ASTN2: variants seen among roughly 807,000 people sequenced by gnomAD.
ASTN2 encodes astrotactin-2.
In ASTN2, 54 loss-of-function variants were observed where a neutral mutation model predicts 139.8. That is an observed-to-expected ratio of 0.39 (90% confidence interval 0.31 to 0.48). ASTN2 has a LOEUF of 0.48. ASTN2 is among the 20% of genes least tolerant of loss of function. The pLI is 0.95. For missense variants in ASTN2, 1,565 were observed against 1,725.1 expected (o/e 0.91, Z 1.64); for synonymous variants, 756 against 719.5 (o/e 1.05, Z -0.81).
intron 1 of ASTN2, among the ~76,000 whole-genome samples, chr9:117,317,386 G>C (rs186204272): frequency 6.6e-6 from 1 of 152,256 alleles, no homozygotes; most frequent in East Asian, 1.9e-4. Context: ...GCCCTATCTA[G>C]ATATTATTCT....
chr9:116,699,700 C>A lies in ASTN2; in HGVS notation c.2806+26071G>T. ...TACCATCTGAGAAGATATTCCACCC[C>A]ATAGGGGATGAGAAATTATCAGTTT... On this transcript the variant is annotated intron_variant, in intron 16 of 22. Coordinates refer to ENST00000313400, the MANE Select transcript of ASTN2 (RefSeq NM_001365068.1). The surrounding 1 kb of genome is among the most constrained non-coding windows in gnomAD (Gnocchi z 4.2). The A allele has an allele frequency of 6.2e-7, 1 of 1,614,216 alleles. No individual in the cohort carries two copies. Among genetic ancestry groups the A allele is most frequent in the Non-Finnish European group, 8.5e-7 (1 of 1,180,042 alleles).
intron 14 of ASTN2, 73 bp downstream of exon 14, chr9:116,733,326 C>CT: frequency 1.3e-6 from 2 of 1,575,602 alleles, no homozygotes; most frequent in Non-Finnish European, 1.7e-6. Flanking sequence ...CTGCTGAAGA[C>CT]TGATATGCAC....
At chr9:116,555,291 C>A (rs1852552805) in intron 19 of ASTN2, among the ~76,000 whole-genome samples, 2 of 152,178 alleles carry the variant, frequency 1.3e-5, no homozygotes, top group East Asian at 1.9e-4. Flanking sequence ...CCTCTCTGCT[C>A]CCTGGCCAAG....
chr9:116,818,327 A>T (rs867599088), intron 12 of ASTN2, among the ~76,000 whole-genome samples: 11 of 152,190 alleles, frequency 7.2e-5, no homozygotes, highest in African/African-American at 1.7e-4. Flanking sequence ...TGCTTAATTC[A>T]ATAGCATCCC....
At position 116,698,918 on chromosome 9, in the gene ASTN2, C is replaced by G. The variant is rs1229699953; in HGVS notation, c.2806+26853G>C. On this transcript the variant is annotated intron_variant, in intron 16 of 22. Coordinates refer to ENST00000313400, the MANE Select transcript of ASTN2 (RefSeq NM_001365068.1). The surrounding 1 kb of genome is among the most constrained non-coding windows in gnomAD (Gnocchi z 4.4). ...AAGTACTAGTCGCTGACCGTGGTAA[C>G]TATCGTATACAAGTCTTTACCCGCA... 6.2e-7 allele frequency: 1 copy of G among 1,614,112 alleles called. No individual in the cohort carries two copies. Among genetic ancestry groups the G allele is most frequent in the Non-Finnish European group, 8.5e-7 (1 of 1,180,050 alleles).
chr9:116,610,869 AC>A, intron 19 of ASTN2: 1 of 150,010 alleles, frequency 6.7e-6, no homozygotes, highest in Non-Finnish European at 1.5e-5. Context: ...AGGTTTTAAT[AC>A]CCCTCTCTCA....
intron 1 of ASTN2, 39 bp from the exon 2 acceptor site, chr9:117,291,552 C>A: frequency 9.1e-6 from 14 of 1,540,476 alleles, no homozygotes; most frequent in Non-Finnish European, 1.2e-5. Context: ...GAGCCGTACG[C>A]CTGGCCTTGG....
intron 16 of ASTN2, among the ~76,000 whole-genome samples, chr9:116,722,918 C>A (rs1828512501): frequency 6.6e-6 from 1 of 152,166 alleles, no homozygotes; most frequent in Non-Finnish European, 1.5e-5. Context: ...GTAATCTCAG[C>A]ACTTTGGGAG....
At chr9:117,365,103 C>G (rs1424971523) in intron 1 of ASTN2, among the ~76,000 whole-genome samples, 1 of 151,356 alleles carries the variant, frequency 6.6e-6, no homozygotes, top group Non-Finnish European at 1.5e-5. Flanking sequence ...AAGCCAACAT[C>G]ACTTCACTGC....
chr9:116,844,953 C>G (rs2132311909), intron 11 of ASTN2, among the ~76,000 whole-genome samples: 1 of 152,302 alleles, frequency 6.6e-6, no homozygotes, highest in East Asian at 1.9e-4. Context: ...AAGGCCCACA[C>G]TTCTATGAGA....
intron 2 of ASTN2, among the ~76,000 whole-genome samples, chr9:117,246,861 G>A (rs538790583): frequency 2.0e-5 from 3 of 152,214 alleles, no homozygotes; most frequent in African/African-American, 7.2e-5. Flanking sequence ...CAAAGGACAG[G>A]GTGTATCTGC....
intron 2 of ASTN2, among the ~76,000 whole-genome samples, chr9:117,266,140 T>C (rs1352881210): frequency 6.6e-6 from 1 of 152,170 alleles, no homozygotes; most frequent in Admixed American, 6.5e-5. Flanking sequence ...AGACAGGTTT[T>C]ATAATTAAGA....
At chr9:116,576,806 G>A (rs1184097403) in intron 19 of ASTN2, among the ~76,000 whole-genome samples, 1 of 152,126 alleles carries the variant, frequency 6.6e-6, no homozygotes, top group East Asian at 1.9e-4. Context: ...ATCACACAAA[G>A]CAAGCCCCAC....
At chr9:117,097,154 G>C (rs1169277224) in intron 4 of ASTN2, among the ~76,000 whole-genome samples, 1 of 152,312 alleles carries the variant, frequency 6.6e-6, no homozygotes, top group East Asian at 1.9e-4. Flanking sequence ...GTCAGGGCTT[G>C]CATGAGGGCC....
chr9:117,316,855 G>A (rs548935723), intron 1 of ASTN2, among the ~76,000 whole-genome samples: 158 of 152,246 alleles, frequency 1.0e-3, no homozygotes, highest in African/African-American at 3.5e-3. Context: ...GGATCCTTTG[G>A]TCTGGGCCCA....
chr9:117,006,055 G>A (rs1588474692), intron 7 of ASTN2, among the ~76,000 whole-genome samples: 1 of 152,130 alleles, frequency 6.6e-6, no homozygotes, highest in African/African-American at 2.4e-5. Flanking sequence ...AACTTCCTGT[G>A]TGAGGGACTC....
chr9:116,770,206 A>T (rs538348648), intron 13 of ASTN2, among the ~76,000 whole-genome samples: 36 of 152,000 alleles, frequency 2.4e-4, no homozygotes, highest in Non-Finnish European at 4.9e-4. Context: ...GATATTGGAG[A>T]ACATAGATGG....
chr9:117,009,221 T>G lies in ASTN2; in HGVS notation c.1424-962A>C, dbSNP rs76044083. 8.1e-3 allele frequency among the ~76,000 whole-genome samples: 1,233 copies of G among 152,322 alleles called. 4 individuals are homozygous for G. The highest frequency in any genetic ancestry group is 0.012 in the Non-Finnish European group (793 of 68,022). On this transcript the variant is annotated intron_variant, in intron 6 of 22. Coordinates refer to ENST00000313400, the MANE Select transcript of ASTN2 (RefSeq NM_001365068.1). ...TTATCAACCAATTTTTCAACATTTC[T>G]GATGGCTAACATTTCTTCTTGAATA...
chr9:116,443,382 A>G (rs1847894936), intron 20 of ASTN2, among the ~76,000 whole-genome samples: 1 of 152,242 alleles, frequency 6.6e-6, no homozygotes, highest in Admixed American at 6.5e-5. Flanking sequence ...CTTGTAGGCC[A>G]TGCCAGGGAG....
Sources: gnomAD v4.1 joint callset for allele counts (sites outside exome capture counted in the v4.1 genomes callset) on GRCh38, gnomAD v4.1.1 for gene constraint, Gnocchi (gnomAD v3.1) non-coding constraint, MANE v1.5 for transcripts, NCBI Gene and HGNC (gene_info 2026-07-23, HGNC 2026-07-21) for gene names.